DRG2: variants seen among roughly 807,000 people sequenced by gnomAD.
DRG2 encodes the protein developmentally-regulated GTP-binding protein 2.
DRG2 carries 36 observed loss-of-function variants against 53.4 expected under a neutral mutation model. The observed-to-expected ratio is 0.67, with a 90% CI of 0.52 to 0.89. The LOEUF (loss-of-function observed/expected upper bound fraction) is 0.89, where lower values mean the gene tolerates loss of function less well. Among genes scored for constraint, DRG2 ranks in the 40% least tolerant of loss-of-function variants. The pLI, the probability that DRG2 is intolerant of heterozygous loss-of-function variation, is 0.00. For synonymous variants in DRG2, 167 were observed against 192.1 expected (o/e 0.87, Z 1.08); for missense variants, 342 against 481.2 (o/e 0.71, Z 2.71).
intron 1 of DRG2, among the ~76,000 whole-genome samples, chr17:18,089,876 T>C (rs1282801414): frequency 6.6e-6 from 1 of 152,042 alleles, no homozygotes; most frequent in Non-Finnish European, 1.5e-5. Flanking sequence ...GGGTTGATCA[T>C]GCAGAGCCAT....
rs1055872064 is a variant in DRG2 at position 18,099,192 on chromosome 17, C to T, written c.376+115C>T. 2 of 1,377,756 alleles carry T rather than the reference C, an allele frequency of 1.5e-6. No homozygotes were observed. Among genetic ancestry groups the T allele is most frequent in the African/African-American group, 2.9e-5 (2 of 70,156 alleles). 85.3% of individuals were successfully genotyped at this position (1,377,756 alleles called of 1,614,324 possible). On this transcript the variant is annotated intron_variant, in intron 4 of 12. Transcript: ENST00000225729. This position sits in a 1 kb window ranked among gnomAD's most constrained non-coding sequence, Gnocchi z 4.4. ...GATCCCTGGTCCATTATCCCGCTTT[C>T]CAGAAAAGACAGGTTCCAGTTCAAA...
intron 10 of DRG2, among the ~76,000 whole-genome samples, chr17:18,104,315 C>G (rs533872134): frequency 6.6e-6 from 1 of 152,368 alleles, no homozygotes; most frequent in African/African-American, 2.4e-5. Context: ...CCTCACTAGA[C>G]TCCAGCATCC....
rs1465724636 is a variant in DRG2, at chr17:18,107,450, C to G, written c.*210C>G. On this transcript the variant is annotated 3_prime_UTR_variant, in exon 13 of 13. Coordinates refer to ENST00000225729, the MANE Select transcript of DRG2 (RefSeq NM_001388.5). ...TCGGTTGGAGGCATTTCCCATAAGA[C>G]TGAGCCCTCTCATGGGGGTTTTGAG... 5 of 596,888 alleles carry G rather than the reference C, an allele frequency of 8.4e-6. No homozygotes were observed. The highest frequency in any genetic ancestry group is 1.5e-5 in the Non-Finnish European group (5 of 334,220). The allele number at this position is 596,888 out of a possible 1,614,324, so 37.0% of individuals were successfully genotyped here. A position where few individuals can be genotyped will look rare whatever the true frequency, so the allele number is the denominator to read the frequency against.
chr17:18,090,397 TATATATATA>T (rs1185123154), intron 1 of DRG2, among the ~76,000 whole-genome samples: 26 of 15,780 alleles, frequency 1.6e-3, no homozygotes, highest in African/African-American at 9.3e-3. Context: ...TATATATATA[TATATATATA>T]TTTTTTTTTT....
In DRG2 at chr17:18,106,198, T is replaced by G. The variant is rs60398190; in HGVS notation, c.955-235T>G. 7.6e-3 allele frequency: 4,332 copies of G among 568,150 alleles called. 157 individuals carry two copies. Among genetic ancestry groups the G allele is most frequent in the African/African-American group, 0.073 (3,915 of 53,430 alleles). The allele number at this position is 568,150 out of a possible 1,614,324, so 35.2% of individuals were successfully genotyped here. A position where few individuals can be genotyped will look rare whatever the true frequency, so the allele number is the denominator to read the frequency against. ...GTGGCTTTGGGAACATTCCTAACTA[T>G]GCACCACAGCTGGCAGATCAGGAGT... On this transcript the variant is annotated intron_variant, in intron 11 of 12. Transcript: ENST00000225729.
In DRG2 at chr17:18,099,112, G is replaced by A. The variant is rs1480489698; in HGVS notation, c.376+35G>A. 1.2e-6 allele frequency: 2 copies of A among 1,613,398 alleles called. No individual in the cohort carries two copies. The highest frequency in any genetic ancestry group is 2.2e-5 in the East Asian group (1 of 44,874). ...AGGGCAGGTGTGTGGGAAGCAGACT[G>A]GAGCTCTGTTACTGATCGTTGAAAT... is the stretch of plus-strand genomic sequence containing the variant. On this transcript the variant is annotated intron_variant, in intron 4 of 12. Coordinates refer to ENST00000225729, the MANE Select transcript of DRG2 (RefSeq NM_001388.5). The surrounding 1 kb of genome is among the most constrained non-coding windows in gnomAD (Gnocchi z 4.4).
intron 1 of DRG2, among the ~76,000 whole-genome samples, chr17:18,090,389 TA>T (rs1567598017): frequency 1.4e-3 from 18 of 12,698 alleles, no homozygotes; most frequent in African/African-American, 8.3e-3. Flanking sequence ...TATATATATA[TA>T]TATATATATA....
Position 18,104,689 on chromosome 17 carries a change from G to A in DRG2, c.954+8G>A, listed in dbSNP as rs749807681. On this transcript the variant is annotated splice_region_variant and intron_variant, in intron 11 of 12. Transcript: ENST00000225729. ...GCCTCAGTGGAGCACGTGGTGAGTT[G>A]ACAAGACCTGCCGTGACAAGGGGTG... is the stretch of plus-strand genomic sequence containing the variant. 6.2e-7 allele frequency: 1 copy of A among 1,613,734 alleles called. No homozygotes were observed. The highest frequency in any genetic ancestry group is 1.7e-5 in the Admixed American group (1 of 60,022).
In DRG2 at chr17:18,100,888, C is replaced by T. The variant is rs2045520394; in HGVS notation, c.631+229C>T. Among the ~76,000 whole-genome samples the T allele has an allele frequency of 6.6e-6, 1 of 152,164 alleles. No individual in the cohort carries two copies. Among genetic ancestry groups the T allele is most frequent in the Non-Finnish European group, 1.5e-5 (1 of 68,038 alleles). On this transcript the variant is annotated intron_variant, in intron 7 of 12. Coordinates refer to ENST00000225729, the MANE Select transcript of DRG2 (RefSeq NM_001388.5). The surrounding 1 kb of genome is among the most constrained non-coding windows in gnomAD (Gnocchi z 4.1). ...ACCAAGTACTGGGCACTGTGGTAGC[C>T]AGATGACATCCGGAAGAAAAAGATG...
In DRG2 at chr17:18,107,495, A is replaced by G. The variant is rs2045664240; in HGVS notation, c.*255A>G. On this transcript the variant is annotated 3_prime_UTR_variant, in exon 13 of 13. Coordinates refer to ENST00000225729, the MANE Select transcript of DRG2 (RefSeq NM_001388.5). ...TTTGAGTTTGTAGTGCTGAGCCTGCATCTGTGCCTCCCAGCCCCCTGCACT... is the reference window on the plus strand; with the variant it reads ...TTTGAGTTTGTAGTGCTGAGCCTGCGTCTGTGCCTCCCAGCCCCCTGCACT... 1.9e-6 allele frequency: 1 copy of G among 538,228 alleles called. No homozygotes were observed. The highest frequency in any genetic ancestry group is 3.2e-5 in the East Asian group (1 of 31,006). The allele number at this position is 538,228 out of a possible 1,614,324, so 33.3% of individuals were successfully genotyped here. A position where few individuals can be genotyped will look rare whatever the true frequency, so the allele number is the denominator to read the frequency against.
chr17:18,099,740 A>G lies in DRG2; in HGVS notation c.467+17A>G, dbSNP rs770261644. 1 of 1,589,308 alleles carries G rather than the reference A, an allele frequency of 6.3e-7. No individual in the cohort carries two copies. The highest frequency in any genetic ancestry group is 8.6e-7 in the Non-Finnish European group (1 of 1,168,928). ...GGTGCAGAGGTCCGCAGGGTGGGGC[A>G]TGGGGCAGGCTCACATGTCTGGGGA... On this transcript the variant is annotated intron_variant, in intron 5 of 12. Coordinates refer to ENST00000225729, the MANE Select transcript of DRG2 (RefSeq NM_001388.5). The surrounding 1 kb of genome is among the most constrained non-coding windows in gnomAD (Gnocchi z 4.4).
chr17:18,104,657 G>T lies in DRG2; in HGVS notation c.930G>T (p.Arg310=). 2 of 1,613,904 alleles carry T rather than the reference G, an allele frequency of 1.2e-6. No individual in the cohort carries two copies. Among genetic ancestry groups the T allele is most frequent in the Non-Finnish European group, 8.5e-7 (1 of 1,180,036 alleles). The change falls in exon 11 of 13, where the codon CGG becomes CGT. Residue 310 remains arginine (R), a synonymous_variant. Transcript: ENST00000225729. ...RPDFTDAIIL[R]KGASVEHVCH... is the part of the protein sequence containing the mutation. ...ACTTCACAGACGCCATCATTCTCCG[G>T]AAAGGGGCCTCAGTGGAGCACGTGG...
Position 18,100,399 on chromosome 17 carries a change from C to T in DRG2, c.504C>T (p.Ile168=). The T allele has an allele frequency of 6.2e-7, 1 of 1,614,200 alleles. No homozygotes were observed. Among genetic ancestry groups the T allele is most frequent in the Non-Finnish European group, 8.5e-7 (1 of 1,180,028 alleles). The change falls in exon 6 of 13, where the codon ATC becomes ATT. Residue 168 remains isoleucine (I), a synonymous_variant. Transcript: ENST00000225729. The surrounding 1 kb of genome is among the most constrained non-coding windows in gnomAD (Gnocchi z 4.1). Reference sequence around the variant, plus strand: ...AGAAGGAGCTGGAGTCTGTGGGCATCCGCCTCAACAAGCACAAGCCTAACA... The same window carrying T: ...AGAAGGAGCTGGAGTCTGTGGGCATTCGCCTCAACAAGCACAAGCCTAACA... ...LLEKELESVG[I]RLNKHKPNIY...
rs2045537532 is a variant in DRG2 at position 18,101,578 on chromosome 17, G to A, written c.717G>A (p.Met239Ile). ...IDVIVGNRVY[M>I]PCLYVYNKID... Reference sequence around the variant, plus strand: ...TGATCGTGGGCAACCGGGTGTACATGCCCTGCCTGTATGTAAGTGCAGGAG... The same window carrying A: ...TGATCGTGGGCAACCGGGTGTACATACCCTGCCTGTATGTAAGTGCAGGAG... Residue 239 changes from methionine (M) to isoleucine (I), a missense_variant, in exon 8 of 13, where the codon ATG becomes ATA. Coordinates refer to ENST00000225729, the MANE Select transcript of DRG2 (RefSeq NM_001388.5). 6.2e-7 allele frequency: 1 copy of A among 1,614,012 alleles called. No homozygotes were observed. Among genetic ancestry groups the A allele is most frequent in the Admixed American group, 1.7e-5 (1 of 60,002 alleles).
In DRG2 at chr17:18,107,296, A is replaced by T; in HGVS notation, c.*56A>T. 1.3e-6 allele frequency: 2 copies of T among 1,535,308 alleles called. No homozygotes were observed. Among genetic ancestry groups the T allele is most frequent in the South Asian group, 2.2e-5 (2 of 88,978 alleles). On this transcript the variant is annotated 3_prime_UTR_variant, in exon 13 of 13. Coordinates refer to ENST00000225729, the MANE Select transcript of DRG2 (RefSeq NM_001388.5). ...CTCGTCTCCCTGGGGAGGTGGTCCC[A>T]CTGGGACACACAAACACCCAAACAG... is the stretch of plus-strand genomic sequence containing the variant.
Position 18,107,666 on chromosome 17 carries a change from C to G in DRG2, c.*426C>G, listed in dbSNP as rs1050491. 1 of 203,208 alleles carries G rather than the reference C, an allele frequency of 4.9e-6. No homozygotes were observed. The highest frequency in any genetic ancestry group is 2.3e-5 in the African/African-American group (1 of 43,824). 12.6% of individuals were successfully genotyped at this position (203,208 alleles called of 1,614,324 possible). A position where few individuals can be genotyped will look rare whatever the true frequency, so the allele number is the denominator to read the frequency against. The stretch of plus-strand genomic sequence containing the variant: ...TCACTCCCTCAGCTCTTGCCAGCTT[C>G]TCTGACACTTGGGTTGGGGGCCCTT... On this transcript the variant is annotated 3_prime_UTR_variant, in exon 13 of 13. Transcript: ENST00000225729.
intron 1 of DRG2, among the ~76,000 whole-genome samples, chr17:18,093,446 A>G (rs2045369166): frequency 6.6e-6 from 1 of 151,808 alleles, no homozygotes; most frequent in Non-Finnish European, 1.5e-5. Context: ...AGCCTCCCAA[A>G]TAGTTGGGAT....
chr17:18,104,643 G>T lies in DRG2; in HGVS notation c.916G>T (p.Ala306Ser), dbSNP rs775747014. 5 of 1,613,768 alleles carry T rather than the reference G, an allele frequency of 3.1e-6. No homozygotes were observed. The African/African-American group carries it at 4.0e-5, about 13-fold the overall frequency. The change falls in exon 11 of 13, where the codon GCC becomes TCC. Residue 306 changes from alanine (A) to serine (S), a missense_variant. Physicochemically the swap from Ala to Ser is moderately conservative, Grantham distance 99. Coordinates refer to ENST00000225729, the MANE Select transcript of DRG2 (RefSeq NM_001388.5). ...KRGQRPDFTD[A>S]IILRKGASVE... ...TGCAGAGAGGCCAGACTTCACAGACGCCATCATTCTCCGGAAAGGGGCCTC... is the reference window on the plus strand; with the variant it reads ...TGCAGAGAGGCCAGACTTCACAGACTCCATCATTCTCCGGAAAGGGGCCTC...
At chr17:18,097,382 G>A (rs2045451725) in intron 2 of DRG2, 1 of 152,232 alleles carries the variant, frequency 6.6e-6, no homozygotes, top group East Asian at 1.9e-4. Context: ...CAGCCAGGAG[G>A]CAGGGTCTGG....
Sources: allele counts gnomAD v4.1 joint callset (sites outside exome capture counted in the v4.1 genomes callset), GRCh38; gene constraint gnomAD v4.1.1; non-coding constraint Gnocchi (gnomAD v3.1); transcripts MANE v1.5; gene names NCBI Gene and HGNC (gene_info 2026-07-23, HGNC 2026-07-21).